TMEM271: variants seen among roughly 807,000 people sequenced by gnomAD.
The protein encoded by TMEM271 is transmembrane protein 271.
At position 573,993 on chromosome 4, in the gene TMEM271, T is replaced by TC. The variant is rs1261336904; in HGVS notation, c.*911dup. The TC allele has an allele frequency of 6.6e-6, 1 of 151,902 alleles. No individual in the cohort carries two copies. The highest frequency in any genetic ancestry group is 2.4e-5 in the African/African-American group (1 of 41,320). 9.4% of individuals were successfully genotyped at this position (151,902 alleles called of 1,614,324 possible). A position where few individuals can be genotyped will look rare whatever the true frequency, so the allele number is the denominator to read the frequency against. ...ATGCCAGAAAAACTATGACTGATTT[T>TC]CCGAAATAGGATTAAATTGTTCATA... On this transcript the variant is annotated 3_prime_UTR_variant, in exon 1 of 1. Transcript: ENST00000610212.
chr4:574,753 G>A lies in TMEM271; in HGVS notation c.*152C>T. On this transcript the variant is annotated 3_prime_UTR_variant, in exon 1 of 1. Transcript: ENST00000610212. ...AGCCCGCAGAGGGGGCCAGGCCGGA[G>A]GCTGCAAAGCCACGTGGAAGAGGCG... 2.6e-6 allele frequency: 1 copy of A among 392,036 alleles called. No homozygotes were observed. Among genetic ancestry groups the A allele is most frequent in the Non-Finnish European group, 4.5e-6 (1 of 222,190 alleles). The allele number at this position is 392,036 out of a possible 1,614,324, so 24.3% of individuals were successfully genotyped here.
rs1188767825 is a variant in TMEM271, at chr4:574,751, G to T, written c.*154C>A. On this transcript the variant is annotated 3_prime_UTR_variant, in exon 1 of 1. Transcript: ENST00000610212. ...GGAGCCCGCAGAGGGGGCCAGGCCG[G>T]AGGCTGCAAAGCCACGTGGAAGAGG... The T allele has an allele frequency of 2.6e-6, 1 of 391,978 alleles. No individual in the cohort carries two copies. The highest frequency in any genetic ancestry group is 2.1e-5 in the African/African-American group (1 of 48,446). The allele number at this position is 391,978 out of a possible 1,614,324, so 24.3% of individuals were successfully genotyped here. A position where few individuals can be genotyped will look rare whatever the true frequency, so the allele number is the denominator to read the frequency against.
rs1732412696 is a variant in TMEM271 at position 575,323 on chromosome 4, G to T, written c.740C>A (p.Ala247Asp). The change falls in exon 1 of 1, where the codon GCC becomes GAC. Residue 247 changes from alanine to aspartate, a missense_variant. Coordinates refer to ENST00000610212, the MANE Select transcript of TMEM271 (RefSeq NM_001362796.2). ...CCGCCTGCCGCGCCGACCGCGCCGG[G>T]CCTGCGACGACTTGTAGTTCTTGAC... ...LLVKNYKSSQARRGRRGRRRG... is the reference protein window; with the variant it reads ...LLVKNYKSSQDRRGRRGRRRG... 4.3e-6 allele frequency: 1 copy of T among 230,714 alleles called. No individual in the cohort carries two copies. The highest frequency in any genetic ancestry group is 7.7e-5 in the East Asian group (1 of 13,000). 14.3% of individuals were successfully genotyped at this position (230,714 alleles called of 1,614,324 possible).
rs1732407832 is a variant in TMEM271 at position 575,139 on chromosome 4, C to T, written c.924G>A (p.Leu308=). The T allele has an allele frequency of 2.5e-6, 1 of 393,990 alleles. No individual in the cohort carries two copies. Among genetic ancestry groups the T allele is most frequent in the Non-Finnish European group, 4.5e-6 (1 of 223,558 alleles). 24.4% of individuals were successfully genotyped at this position (393,990 alleles called of 1,614,324 possible). A position where few individuals can be genotyped will look rare whatever the true frequency, so the allele number is the denominator to read the frequency against. The part of the protein sequence containing the change: ...ASILSPEESD[L]AAPGDCAGFA... The stretch of plus-strand genomic sequence containing the variant: ...AGCCCGCGCAGTCCCCGGGGGCGGC[C>T]AGGTCCGACTCCTCCGGGGACAGGA... Residue 308 remains leucine (L), a synonymous_variant, in exon 1 of 1, where the codon CTG becomes CTA. Transcript: ENST00000610212.
At position 575,566 on chromosome 4, in the gene TMEM271, C is replaced by G. The variant is rs1732419835; in HGVS notation, c.497G>C (p.Ser166Thr). The G allele has an allele frequency of 3.0e-6, 1 of 335,188 alleles. No individual in the cohort carries two copies. The highest frequency in any genetic ancestry group is 5.0e-5 in the Admixed American group (1 of 20,200). The allele number at this position is 335,188 out of a possible 1,614,324, so 20.8% of individuals were successfully genotyped here. A position where few individuals can be genotyped will look rare whatever the true frequency, so the allele number is the denominator to read the frequency against. Residue 166 changes from serine to threonine, a missense_variant, in exon 1 of 1, where the codon AGC becomes ACC. Ser to Thr is a moderately conservative substitution (Grantham distance 58). Transcript: ENST00000610212. The stretch of plus-strand genomic sequence containing the variant: ...GGTTGAGCCCGGGGCCGAGCCGGGG[C>G]TCGAACCTGGCGCCCGCGGGGGCAG... ...YCLPPRAPGS[S>T]PGSAPGSTPG...
rs531659290 is a variant in TMEM271 at position 576,232 on chromosome 4, CCCGCCGCCGCCG to C, written c.-182_-171del. The C allele has an allele frequency of 8.2e-4, 123 of 149,328 alleles. 1 individual carries two copies. Among genetic ancestry groups the C allele is most frequent in the South Asian group, 2.3e-3 (13 of 5,536 alleles). The allele number at this position is 149,328 out of a possible 1,614,324, so 9.3% of individuals were successfully genotyped here. On this transcript the variant is annotated 5_prime_UTR_variant, in exon 1 of 1. Coordinates refer to ENST00000610212, the MANE Select transcript of TMEM271 (RefSeq NM_001362796.2). The stretch of plus-strand genomic sequence containing the variant: ...CCGCCGGAGCCCGCATCCTCCGCCT[CCCGCCGCCGCCG>C]CCGCCGCCGCCGCCGCCGCGACCCC...
rs941135496 is a variant in TMEM271 at position 576,232 on chromosome 4, C to G, written c.-170G>C. The G allele has an allele frequency of 2.7e-5, 4 of 147,804 alleles. No individual in the cohort carries two copies. The highest frequency in any genetic ancestry group is 5.1e-5 in the African/African-American group (2 of 39,014). 9.2% of individuals were successfully genotyped at this position (147,804 alleles called of 1,614,324 possible). The stretch of plus-strand genomic sequence containing the variant: ...CCGCCGGAGCCCGCATCCTCCGCCT[C>G]CCGCCGCCGCCGCCGCCGCCGCCGC... On this transcript the variant is annotated 5_prime_UTR_variant, in exon 1 of 1. Coordinates refer to ENST00000610212, the MANE Select transcript of TMEM271 (RefSeq NM_001362796.2).
rs1732384655 is a variant in TMEM271, at chr4:573,933, C to T, written c.*972G>A. On this transcript the variant is annotated 3_prime_UTR_variant, in exon 1 of 1. Transcript: ENST00000610212. ...TGAAATGCTATCATACTCAAAATTA[C>T]CAGATTAATGAAATAATCAACAGGA... The T allele has an allele frequency of 6.6e-6, 1 of 152,034 alleles. No homozygotes were observed. Among genetic ancestry groups the T allele is most frequent in the Admixed American group, 6.5e-5 (1 of 15,270 alleles). 9.4% of individuals were successfully genotyped at this position (152,034 alleles called of 1,614,324 possible).
rs1732427453 is a variant in TMEM271 at position 575,901 on chromosome 4, G to A, written c.162C>T (p.Ser54=). The A allele has an allele frequency of 8.0e-6, 3 of 372,882 alleles. No homozygotes were observed. Among genetic ancestry groups the A allele is most frequent in the Non-Finnish European group, 1.4e-5 (3 of 209,588 alleles). The allele number at this position is 372,882 out of a possible 1,614,324, so 23.1% of individuals were successfully genotyped here. The part of the protein sequence containing the change: ...RLGAAAGAFY[S]GLLLAAGLSL... ...AGAGGCCGGCGGCCAGCAGCAGCCCGGAGTAGAAGGCGCCGGCGGCGGCCC... is the reference window on the plus strand; with the variant it reads ...AGAGGCCGGCGGCCAGCAGCAGCCCAGAGTAGAAGGCGCCGGCGGCGGCCC... Residue 54 remains serine (S), a synonymous_variant, in exon 1 of 1, where the codon TCC becomes TCT. Coordinates refer to ENST00000610212, the MANE Select transcript of TMEM271 (RefSeq NM_001362796.2).
rs1220354313 is a variant in TMEM271 at position 576,145 on chromosome 4, C to T, written c.-83G>A. On this transcript the variant is annotated 5_prime_UTR_variant, in exon 1 of 1. Transcript: ENST00000610212. ...CGCCGCCTGCGCCTCCTCCCGGCGC[C>T]GCGCGGCCGGACCGCCGGCCTCCTC... is the stretch of plus-strand genomic sequence containing the variant. The T allele has an allele frequency of 2.1e-5, 3 of 144,468 alleles. No homozygotes were observed. The highest frequency in any genetic ancestry group is 7.5e-5 in the African/African-American group (3 of 40,086). The allele number at this position is 144,468 out of a possible 1,614,324, so 8.9% of individuals were successfully genotyped here. A position where few individuals can be genotyped will look rare whatever the true frequency, so the allele number is the denominator to read the frequency against.
chr4:574,874 G>A lies in TMEM271; in HGVS notation c.*31C>T, dbSNP rs1388632771. The A allele has an allele frequency of 2.5e-6, 1 of 395,694 alleles. No homozygotes were observed. Among genetic ancestry groups the A allele is most frequent in the East Asian group, 3.6e-5 (1 of 27,878 alleles). 24.5% of individuals were successfully genotyped at this position (395,694 alleles called of 1,614,324 possible). ...GGCGGGGTGGGTGGAACGCAAGCGC[G>A]GTCCGCGGGATGGGGGTCCGGCCCG... is the stretch of plus-strand genomic sequence containing the variant. On this transcript the variant is annotated 3_prime_UTR_variant, in exon 1 of 1. Transcript: ENST00000610212.
Position 574,904 on chromosome 4 carries a change from A to C in TMEM271, c.*1T>G, listed in dbSNP as rs545115188. The C allele has an allele frequency of 1.9e-3, 739 of 396,332 alleles. 3 individuals carry two copies. The highest frequency in any genetic ancestry group is 0.015 in the African/African-American group (709 of 48,576). The allele number at this position is 396,332 out of a possible 1,614,324, so 24.6% of individuals were successfully genotyped here. ...GCGGGATGGGGGTCCGGCCCGCGGGATCAGCAGGCCCGATGGGTCTCCCAG... is the reference window on the plus strand; with the variant it reads ...GCGGGATGGGGGTCCGGCCCGCGGGCTCAGCAGGCCCGATGGGTCTCCCAG... On this transcript the variant is annotated 3_prime_UTR_variant, in exon 1 of 1. Transcript: ENST00000610212.
Position 575,176 on chromosome 4 carries a change from C to T in TMEM271, c.887G>A (p.Ser296Asn). The change falls in exon 1 of 1, where the codon AGC becomes AAC. Residue 296 changes from serine (S) to asparagine (N), a missense_variant. Physicochemically the swap from Ser to Asn is conservative, Grantham distance 46. Coordinates refer to ENST00000610212, the MANE Select transcript of TMEM271 (RefSeq NM_001362796.2). ...CTCCGGGGACAGGATGGAGGCCTCG[C>T]TCGGCCGCTGCTGCAGCCGCCGCCC... ...RRGRRLQQRP[S>N]EASILSPEES... is the part of the protein sequence containing the mutation. The T allele has an allele frequency of 5.2e-6, 2 of 388,126 alleles. No homozygotes were observed. The highest frequency in any genetic ancestry group is 3.6e-5 in the East Asian group (1 of 27,512). 24.0% of individuals were successfully genotyped at this position (388,126 alleles called of 1,614,324 possible).
Position 574,605 on chromosome 4 carries a change from A to C in TMEM271, c.*300T>G. ...TTGCCAAGAAAAGTGCAGTCGGGCT[A>C]GCCAAGCCCAAACATTTATTGTAAA... On this transcript the variant is annotated 3_prime_UTR_variant, in exon 1 of 1. Transcript: ENST00000610212. 1 of 277,438 alleles carries C rather than the reference A, an allele frequency of 3.6e-6. No homozygotes were observed. Among genetic ancestry groups the C allele is most frequent in the Non-Finnish European group, 6.7e-6 (1 of 149,158 alleles). The allele number at this position is 277,438 out of a possible 1,614,324, so 17.2% of individuals were successfully genotyped here.
In TMEM271 at chr4:575,505, C is replaced by T; in HGVS notation, c.558G>A (p.Ala186=). The stretch of plus-strand genomic sequence containing the variant: ...GCGGGGCGCCGGGGGCCGAGCCCGG[C>T]GCCGAGCCGGGGGCCGAGCCCGGGG... The part of the protein sequence containing the change: ...GSAPGSAPGS[A]PGSAPGAPRA... Residue 186 remains alanine (A), a synonymous_variant, in exon 1 of 1, where the codon GCG becomes GCA. Transcript: ENST00000610212. The T allele has an allele frequency of 3.4e-6, 1 of 293,912 alleles. No homozygotes were observed. Among genetic ancestry groups the T allele is most frequent in the East Asian group, 5.8e-5 (1 of 17,260 alleles). 18.2% of individuals were successfully genotyped at this position (293,912 alleles called of 1,614,324 possible). A position where few individuals can be genotyped will look rare whatever the true frequency, so the allele number is the denominator to read the frequency against.
chr4:574,694 T>C lies in TMEM271; in HGVS notation c.*211A>G. The C allele has an allele frequency of 2.6e-6, 1 of 389,126 alleles. No homozygotes were observed. The highest frequency in any genetic ancestry group is 4.5e-6 in the Non-Finnish European group (1 of 220,476). 24.1% of individuals were successfully genotyped at this position (389,126 alleles called of 1,614,324 possible). On this transcript the variant is annotated 3_prime_UTR_variant, in exon 1 of 1. Transcript: ENST00000610212. ...AAGAGAAACCTCCCAGATACAGAAA[T>C]GGTCACATCAGGGGCCCCCTCCTGT...
chr4:575,158 G>A lies in TMEM271; in HGVS notation c.905C>T (p.Ser302Phe), dbSNP rs1732408174. 2 of 391,702 alleles carry A rather than the reference G, an allele frequency of 5.1e-6. No homozygotes were observed. Among genetic ancestry groups the A allele is most frequent in the Non-Finnish European group, 9.0e-6 (2 of 222,360 alleles). The allele number at this position is 391,702 out of a possible 1,614,324, so 24.3% of individuals were successfully genotyped here. A position where few individuals can be genotyped will look rare whatever the true frequency, so the allele number is the denominator to read the frequency against. ...GGCGGCCAGGTCCGACTCCTCCGGG[G>A]ACAGGATGGAGGCCTCGCTCGGCCG... ...QQRPSEASIL[S>F]PEESDLAAPG... is the part of the protein sequence containing the mutation. The change falls in exon 1 of 1, where the codon TCC (serine) becomes TTC (phenylalanine). Residue 302 changes from serine (S) to phenylalanine (F), a missense_variant. By Grantham distance (155) the Ser-to-Phe change is radical (BLOSUM62 -2). Coordinates refer to ENST00000610212, the MANE Select transcript of TMEM271 (RefSeq NM_001362796.2).
At position 575,916 on chromosome 4, in the gene TMEM271, G is replaced by C. The variant is rs1457302210; in HGVS notation, c.147C>G (p.Ala49=). Residue 49 remains alanine (A), a synonymous_variant, in exon 1 of 1, where the codon GCC becomes GCG. Transcript: ENST00000610212. ...GCAGCAGCCCGGAGTAGAAGGCGCC[G>C]GCGGCGGCCCCCAGGCGGAACGGCT... ...RGEPFRLGAA[A]GAFYSGLLLA... 2.7e-6 allele frequency: 1 copy of C among 373,196 alleles called. No individual in the cohort carries two copies. Among genetic ancestry groups the C allele is most frequent in the Admixed American group, 4.6e-5 (1 of 21,700 alleles). The allele number at this position is 373,196 out of a possible 1,614,324, so 23.1% of individuals were successfully genotyped here.
chr4:574,020 G>C lies in TMEM271; in HGVS notation c.*885C>G, dbSNP rs1426849409. 4.0e-5 allele frequency: 6 copies of C among 151,320 alleles called. No individual in the cohort carries two copies. Among genetic ancestry groups the C allele is most frequent in the Admixed American group, 6.6e-5 (1 of 15,166 alleles). 9.4% of individuals were successfully genotyped at this position (151,320 alleles called of 1,614,324 possible). A position where few individuals can be genotyped will look rare whatever the true frequency, so the allele number is the denominator to read the frequency against. On this transcript the variant is annotated 3_prime_UTR_variant, in exon 1 of 1. Coordinates refer to ENST00000610212, the MANE Select transcript of TMEM271 (RefSeq NM_001362796.2). ...CGAAATAGGATTAAATTGTTCATAT[G>C]TATTAATCAAAAATAAGATCTGCTT...
Sources: allele counts gnomAD v4.1 joint callset, GRCh38; gene constraint gnomAD v4.1.1; transcripts MANE v1.5; gene names NCBI Gene and HGNC (gene_info 2026-07-23, HGNC 2026-07-21).